The following ANTXR2 variants were observed in gnomAD, a reference collection of about 807,000 sequenced individuals.
The protein encoded by ANTXR2 is anthrax toxin receptor 2.
Under a neutral mutation model 73.7 loss-of-function variants are expected in ANTXR2, and 44 were observed. The observed-to-expected ratio is 0.60, with a 90% CI of 0.47 to 0.77. ANTXR2 has a LOEUF of 0.77. Ranked by LOEUF, ANTXR2 falls within the 30% of genes least tolerant of loss-of-function variation. ANTXR2 has a pLI of 0.00. For missense variants in ANTXR2, 604 were observed against 592.5 expected, an observed-to-expected ratio of 1.02 and a Z score of -0.20; for synonymous variants, 217 against 205.9, an observed-to-expected ratio of 1.05 and a Z score of -0.46.
At chr4:79,990,393 A>AAAAC (rs1169866169) in intron 12 of ANTXR2, among the ~76,000 whole-genome samples, 6 of 150,576 alleles carry the variant, frequency 4.0e-5, no homozygotes, top group South Asian at 2.1e-4. Context: ...CAAAAAAAAA[A>AAAAC]AAAAAAAAAC....
intron 16 of ANTXR2, among the ~76,000 whole-genome samples, chr4:79,920,279 T>C (rs1315254755): frequency 6.6e-6 from 1 of 152,036 alleles, no homozygotes; most frequent in Non-Finnish European, 1.5e-5. Context: ...GGACATATTA[T>C]GCCAAAATGA....
Position 80,040,250 on chromosome 4 carries a change from C to T in ANTXR2, c.637-4218G>A, listed in dbSNP as rs192358493. The stretch of plus-strand genomic sequence containing the variant: ...ACACCTAGGTGACAAACCTGCACAA[C>T]CTGCACATGTACCTCCTGAATCTAA... On this transcript the variant is annotated intron_variant, in intron 7 of 16. Coordinates refer to ENST00000403729, the MANE Select transcript of ANTXR2 (RefSeq NM_058172.6). 6.6e-5 allele frequency among the ~76,000 whole-genome samples: 10 copies of T among 152,028 alleles called. No homozygotes were observed. The East Asian group carries it at 1.9e-3, about 29-fold the overall frequency.
At chr4:80,027,630 T>G (rs141265519) in intron 10 of ANTXR2, among the ~76,000 whole-genome samples, 57 of 152,300 alleles carry the variant, frequency 3.7e-4, no homozygotes, top group African/African-American at 1.2e-3. Flanking sequence ...CACATTTAAC[T>G]ATACCATATG....
At chr4:80,050,341 A>T (rs1733717039) in intron 7 of ANTXR2, among the ~76,000 whole-genome samples, 1 of 151,590 alleles carries the variant, frequency 6.6e-6, no homozygotes, top group Non-Finnish European at 1.5e-5. Context: ...CATGACTCAC[A>T]TCCTAAATTT....
chr4:79,961,611 T>C (rs1729144964), intron 16 of ANTXR2, among the ~76,000 whole-genome samples: 1 of 152,072 alleles, frequency 6.6e-6, no homozygotes, highest in African/African-American at 2.4e-5. Context: ...ATATTTTGTT[T>C]GTATTTTTTG....
intron 16 of ANTXR2, among the ~76,000 whole-genome samples, chr4:79,909,587 C>T (rs901945407): frequency 2.0e-5 from 3 of 151,678 alleles, no homozygotes; most frequent in Non-Finnish European, 4.4e-5. Flanking sequence ...TACAACTCTT[C>T]CAAAGCTTGG....
intron 14 of ANTXR2, among the ~76,000 whole-genome samples, chr4:79,979,412 A>G (rs1438422898): frequency 6.6e-6 from 1 of 152,208 alleles, no homozygotes. Context: ...AAGAAAAAAA[A>G]AAATCCTAAG....
At chr4:79,915,130 A>C (rs563716914) in intron 16 of ANTXR2, among the ~76,000 whole-genome samples, 1 of 152,276 alleles carries the variant, frequency 6.6e-6, no homozygotes, top group East Asian at 1.9e-4. Flanking sequence ...TGAGCCTCAT[A>C]ATAAGTAAGA....
At chr4:79,955,468 A>G (rs1235075969) in intron 16 of ANTXR2, among the ~76,000 whole-genome samples, 1 of 152,106 alleles carries the variant, frequency 6.6e-6, no homozygotes, top group African/African-American at 2.4e-5. Context: ...TATACTAAAA[A>G]AAGTATGAAT....
intron 7 of ANTXR2, among the ~76,000 whole-genome samples, chr4:80,051,512 A>G (rs969218366): frequency 1.3e-5 from 2 of 151,722 alleles, no homozygotes; most frequent in African/African-American, 4.8e-5. Context: ...GAGATAATGA[A>G]TTACAAACCT....
intron 16 of ANTXR2, among the ~76,000 whole-genome samples, chr4:79,925,518 GACTC>G (rs1478015265): frequency 6.6e-6 from 1 of 151,928 alleles, no homozygotes; most frequent in Non-Finnish European, 1.5e-5. Context: ...AGGTTATTGA[GACTC>G]AAAATTAACA....
At chr4:79,937,035 A>G (rs992168737) in intron 16 of ANTXR2, among the ~76,000 whole-genome samples, 1 of 147,518 alleles carries the variant, frequency 6.8e-6, no homozygotes, top group Non-Finnish European at 1.5e-5. Context: ...TGTTGCAAAG[A>G]AGAAAAATGT....
chr4:79,988,852 C>G (rs1165784391), intron 12 of ANTXR2, among the ~76,000 whole-genome samples: 4 of 151,980 alleles, frequency 2.6e-5, no homozygotes, highest in Admixed American at 2.6e-4. Flanking sequence ...CTCTCAAAAC[C>G]ATACAATTAC....
At chr4:79,919,392 T>C (rs1727476153) in intron 16 of ANTXR2, among the ~76,000 whole-genome samples, 1 of 152,150 alleles carries the variant, frequency 6.6e-6, no homozygotes. Flanking sequence ...CTTGATTGGA[T>C]TGAAGGATGC....
At chr4:80,057,120 T>C (rs563034998) in intron 3 of ANTXR2, among the ~76,000 whole-genome samples, 1 of 152,002 alleles carries the variant, frequency 6.6e-6, no homozygotes, top group Admixed American at 6.6e-5. Flanking sequence ...AGTGCCTTTT[T>C]AAATGTAAAA....
rs1416461030 is a variant in ANTXR2, at chr4:79,919,868, T to A, written c.1429-12401A>T. ...CTAGAGAATCCTAATACATATTTTA[T>A]ATATATATATATATATATATATATA... On this transcript the variant is annotated intron_variant, in intron 16 of 16. Coordinates refer to ENST00000403729, the MANE Select transcript of ANTXR2 (RefSeq NM_058172.6). Among the ~76,000 whole-genome samples the A allele has an allele frequency of 9.5e-4, 2 of 2,114 alleles. 1 individual carries two copies. The highest frequency in any genetic ancestry group is 2.6e-3 in the Non-Finnish European group (2 of 756). 1.4% of individuals were successfully genotyped at this position (2,114 alleles called of 152,430 possible). A position where few individuals can be genotyped will look rare whatever the true frequency, so the allele number is the denominator to read the frequency against.
Position 79,902,467 on chromosome 4 carries a change from C to CAA in ANTXR2, c.*4960_*4961dup, listed in dbSNP as rs1726743824. The CAA allele has an allele frequency of 6.6e-6, 1 of 152,116 alleles. No individual in the cohort carries two copies. Among genetic ancestry groups the CAA allele is most frequent in the South Asian group, 2.1e-4 (1 of 4,816 alleles). The allele number at this position is 152,116 out of a possible 1,614,324, so 9.4% of individuals were successfully genotyped here. ...TAGTAATTTTTCTTTCTGTGGTATA[C>CAA]AAAGTATCCCAATTATTAAAACTGG... On this transcript the variant is annotated 3_prime_UTR_variant, in exon 17 of 17. Transcript: ENST00000403729.
At chr4:79,944,828 A>G (rs1258246948) in intron 16 of ANTXR2, among the ~76,000 whole-genome samples, 1 of 152,126 alleles carries the variant, frequency 6.6e-6, no homozygotes, top group Non-Finnish European at 1.5e-5. Context: ...TTCTCCCTAG[A>G]GTTTGAGCTT....
At chr4:80,053,217 T>A (rs1733845251) in intron 7 of ANTXR2, among the ~76,000 whole-genome samples, 1 of 151,668 alleles carries the variant, frequency 6.6e-6, no homozygotes, top group African/African-American at 2.4e-5. Context: ...TAAAATTATT[T>A]ACTATTTTTA....
Sources: allele counts gnomAD v4.1 joint callset (sites outside exome capture counted in the v4.1 genomes callset), GRCh38; gene constraint gnomAD v4.1.1; transcripts MANE v1.5; gene names NCBI Gene and HGNC (gene_info 2026-07-23, HGNC 2026-07-21).